Variants in TRHDE observed in about 807,000 individuals in gnomAD.
TRHDE encodes thyrotropin-releasing hormone-degrading ectoenzyme.
Under a neutral mutation model 125.7 loss-of-function variants are expected in TRHDE, and 72 were observed. That is an observed-to-expected ratio of 0.57 (90% CI 0.47 to 0.70). The LOEUF is 0.70. Among genes scored for constraint, TRHDE ranks in the 30% least tolerant of loss-of-function variants. The probability of loss-of-function intolerance (pLI) is 0.00; values close to 1 mark genes in which losing one functional copy is unlikely to be tolerated. For missense variants in TRHDE, 1,110 were observed against 1,327.1 expected (o/e 0.84, Z 2.54); for synonymous variants, 509 against 509.1 (o/e 1.00, Z 0.00).
At chr12:72,509,898 C>A (rs552274297) in intron 6 of TRHDE, among the ~76,000 whole-genome samples, 2 of 152,152 alleles carry the variant, frequency 1.3e-5, no homozygotes, top group South Asian at 4.2e-4. Context: ...GGGAAAGATC[C>A]CATCTGTTTA....
intron 2 of TRHDE, among the ~76,000 whole-genome samples, chr12:72,245,696 A>T (rs530522663): frequency 3.9e-5 from 6 of 152,250 alleles, no homozygotes; most frequent in Non-Finnish European, 8.8e-5. Flanking sequence ...ATATCAAACT[A>T]TAAGTATATA....
chr12:72,266,650 C>A (rs968872556), intron 2 of TRHDE, among the ~76,000 whole-genome samples: 1 of 151,816 alleles, frequency 6.6e-6, no homozygotes, highest in African/African-American at 2.4e-5. Context: ...ATCCCTAGCA[C>A]AGTGCCTGGC....
At chr12:72,356,233 T>C (rs1475987955) in intron 2 of TRHDE, among the ~76,000 whole-genome samples, 1 of 151,750 alleles carries the variant, frequency 6.6e-6, no homozygotes, top group African/African-American at 2.4e-5. Context: ...TCTTGTCCTT[T>C]GCAGGAACAT....
At chr12:72,649,438 G>C (rs1592596005) in intron 15 of TRHDE, among the ~76,000 whole-genome samples, 1 of 152,006 alleles carries the variant, frequency 6.6e-6, no homozygotes, top group Non-Finnish European at 1.5e-5. Flanking sequence ...GCCCCAAACT[G>C]TAAACTTCTT....
At chr12:72,272,075 C>T, upstream of TRHDE, 1 of 457,742 alleles carries the variant, frequency 2.2e-6, no homozygotes, top group Non-Finnish European at 4.4e-6. The surrounding 1 kb of genome is among the most constrained non-coding windows in gnomAD (Gnocchi z 6.7). Context: ...TCTCCAGCTG[C>T]AGGGTGTATG....
intron 5 of TRHDE, among the ~76,000 whole-genome samples, chr12:72,482,281 G>T (rs1056566167): frequency 6.6e-6 from 1 of 151,652 alleles, no homozygotes. Flanking sequence ...TTAGCTGACC[G>T]ATATACTTCT....
intron 2 of TRHDE, among the ~76,000 whole-genome samples, chr12:72,306,105 C>CT (rs1868337440): frequency 6.6e-6 from 1 of 152,112 alleles, no homozygotes; most frequent in Admixed American, 6.6e-5. Context: ...AGTGTTTTTT[C>CT]TGCTGGTGGA....
At chr12:72,336,366 ATTTCCTCTGTGCTT>A (rs1336301185) in intron 2 of TRHDE, among the ~76,000 whole-genome samples, 2 of 152,108 alleles carry the variant, frequency 1.3e-5, no homozygotes, top group African/African-American at 4.8e-5. Flanking sequence ...TATCATGAGA[ATTTCCTCTGTGCTT>A]TTTCCTTATA....
intron 6 of TRHDE, among the ~76,000 whole-genome samples, chr12:72,512,768 A>C (rs1290478258): frequency 6.6e-6 from 1 of 150,858 alleles, no homozygotes; most frequent in Non-Finnish European, 1.5e-5. Flanking sequence ...GCAGGCAACT[A>C]TAATCAAGGG....
intron 3 of TRHDE, among the ~76,000 whole-genome samples, chr12:72,383,063 G>C (rs749804355): frequency 6.6e-6 from 1 of 152,140 alleles, no homozygotes; most frequent in East Asian, 1.9e-4. Flanking sequence ...GTGAAAATTT[G>C]TTTTTAAATC....
At chr12:72,279,583 T>G (rs968725678) in intron 1 of TRHDE, among the ~76,000 whole-genome samples, 4 of 152,226 alleles carry the variant, frequency 2.6e-5, no homozygotes, top group Admixed American at 6.5e-5. Flanking sequence ...AATTCAAACG[T>G]GAAAAATACT....
chr12:72,166,248 G>A (rs1033105426), intron 2 of TRHDE, among the ~76,000 whole-genome samples: 3 of 151,956 alleles, frequency 2.0e-5, no homozygotes, highest in Non-Finnish European at 4.4e-5. Context: ...CCATATATGT[G>A]GTTCATTTTT....
intron 2 of TRHDE, among the ~76,000 whole-genome samples, chr12:72,220,282 T>C (rs1260774620): frequency 6.6e-6 from 1 of 152,126 alleles, no homozygotes; most frequent in Non-Finnish European, 1.5e-5. Flanking sequence ...TTAATGCTTG[T>C]TTTGGTCATG....
At chr12:72,470,659 A>C (rs186750088) in intron 4 of TRHDE, among the ~76,000 whole-genome samples, 2 of 152,238 alleles carry the variant, frequency 1.3e-5, no homozygotes, top group East Asian at 3.9e-4. Context: ...CTTTAAACTT[A>C]TAACACCAGA....
Position 72,667,526 on chromosome 12 carries a change from G to A in TRHDE, c.*4331G>A, listed in dbSNP as rs1875151411. On this transcript the variant is annotated 3_prime_UTR_variant, in exon 19 of 19. Coordinates refer to ENST00000261180, the MANE Select transcript of TRHDE (RefSeq NM_013381.3). ...AGGAATACAGAGATGAATATGGCCT[G>A]AAGGAATGAACTCATATTACAATAA... 1 of 151,540 alleles carries A rather than the reference G, an allele frequency of 6.6e-6. No individual in the cohort carries two copies. The highest frequency in any genetic ancestry group is 1.9e-4 in the East Asian group (1 of 5,156). The allele number at this position is 151,540 out of a possible 1,614,324, so 9.4% of individuals were successfully genotyped here.
At chr12:72,397,007 C>T (rs879659465) in intron 3 of TRHDE, among the ~76,000 whole-genome samples, 10 of 152,196 alleles carry the variant, frequency 6.6e-5, no homozygotes, top group East Asian at 1.9e-4. Flanking sequence ...TATATCTTCA[C>T]GTCCGACCTC....
At chr12:72,249,064 A>G (rs1878630776) in intron 2 of TRHDE, among the ~76,000 whole-genome samples, 1 of 152,158 alleles carries the variant, frequency 6.6e-6, no homozygotes, top group Non-Finnish European at 1.5e-5. Flanking sequence ...GCATCCTAGC[A>G]CTAAATATAA....
At chr12:72,497,684 T>G (rs959599762) in intron 5 of TRHDE, among the ~76,000 whole-genome samples, 1 of 152,150 alleles carries the variant, frequency 6.6e-6, no homozygotes, top group Non-Finnish European at 1.5e-5. Flanking sequence ...CATCTACATT[T>G]TAAAATTGAA....
intron 15 of TRHDE, among the ~76,000 whole-genome samples, chr12:72,646,797 A>G (rs1258658969): frequency 1.3e-5 from 2 of 152,124 alleles, no homozygotes; most frequent in Non-Finnish European, 2.9e-5. Context: ...CAAATTATAA[A>G]CATATATGCA....
Sources: allele counts gnomAD v4.1 joint callset (sites outside exome capture counted in the v4.1 genomes callset), GRCh38; gene constraint gnomAD v4.1.1; non-coding constraint Gnocchi (gnomAD v3.1); transcripts MANE v1.5; gene names NCBI Gene and HGNC (gene_info 2026-07-23, HGNC 2026-07-21).